KIF13B: variants seen among roughly 807,000 people sequenced by gnomAD.
KIF13B encodes the protein kinesin family member 13B, also known as kinesin-like protein KIF13B.
A neutral mutation model predicts 222.0 loss-of-function variants in KIF13B; 127 were observed. The observed-to-expected ratio is 0.57, with a 90% confidence interval of 0.50 to 0.66. The LOEUF (loss-of-function observed/expected upper bound fraction) is 0.66. KIF13B is among the 30% of genes least tolerant of loss of function. The probability of loss-of-function intolerance (pLI) is 0.00; values close to 1 mark genes in which losing one functional copy is unlikely to be tolerated. For missense variants in KIF13B, 2,173 were observed against 2,379.0 expected (o/e 0.91, Z 1.80); for synonymous variants, 976 against 919.0 (o/e 1.06, Z -1.12).
rs1265131840 is a variant in KIF13B, at chr8:29,155,759, C to T, written c.1502G>A (p.Gly501Asp). The T allele has an allele frequency of 6.2e-7, 1 of 1,604,550 alleles. No homozygotes were observed. Among genetic ancestry groups the T allele is most frequent in the Non-Finnish European group, 8.5e-7 (1 of 1,174,826 alleles). Residue 501 changes from glycine (G) to aspartate (D), a missense_variant, in exon 14 of 40, where the codon GGC becomes GAC. This residue lies in a region of KIF13B where 1,480 missense variants were observed against 1,722.8 expected (regional missense o/e 0.86). Coordinates refer to ENST00000524189, the MANE Select transcript of KIF13B (RefSeq NM_015254.4). ...EHCIIDITSEGQVMLTPQKNT... is the reference protein window; with the variant it reads ...EHCIIDITSEDQVMLTPQKNT... ...CTTCTGAGGAGTCAGCATAACCTGG[C>T]CTTCTGACGTGATGTCTATAATACA... is the stretch of plus-strand genomic sequence containing the variant.
At chr8:29,223,984 C>T (rs1002489494) in intron 2 of KIF13B, among the ~76,000 whole-genome samples, 2 of 151,146 alleles carry the variant, frequency 1.3e-5, no homozygotes. Flanking sequence ...AGCCACGGCG[C>T]CCAGCCTACC....
intron 2 of KIF13B, among the ~76,000 whole-genome samples, chr8:29,225,612 G>A (rs1814986600): frequency 6.6e-6 from 1 of 152,166 alleles, no homozygotes. Context: ...ACAAAATAGG[G>A]AATAAAAGTT....
chr8:29,190,768 G>C, intron 4 of KIF13B: 1 of 517,944 alleles, frequency 1.9e-6, no homozygotes, highest in Non-Finnish European at 3.5e-6. Flanking sequence ...AGAGAGCATC[G>C]GAACTGAGTT....
chr8:29,149,656 G>A (rs1474722080), intron 15 of KIF13B, among the ~76,000 whole-genome samples: 3 of 152,226 alleles, frequency 2.0e-5, no homozygotes, highest in Non-Finnish European at 2.9e-5. Flanking sequence ...GTCAGGGCTA[G>A]TGCAGCTATG....
At chr8:29,205,669 G>A (rs145793121) in intron 2 of KIF13B, among the ~76,000 whole-genome samples, 65 of 152,236 alleles carry the variant, frequency 4.3e-4, no homozygotes, top group African/African-American at 1.4e-3. Flanking sequence ...AATGTCCCTC[G>A]CAGCAGTAAT....
intron 2 of KIF13B, among the ~76,000 whole-genome samples, chr8:29,215,570 T>C (rs1814439529): frequency 6.6e-6 from 1 of 152,176 alleles, no homozygotes; most frequent in Non-Finnish European, 1.5e-5. Context: ...CATGCGTCTG[T>C]TGTCCCAGCT....
intron 2 of KIF13B, among the ~76,000 whole-genome samples, chr8:29,225,835 C>T (rs939916158): frequency 2.6e-5 from 4 of 152,180 alleles, no homozygotes; most frequent in Non-Finnish European, 4.4e-5. Flanking sequence ...ATGTTCAGTA[C>T]ATGGTGACTA....
In KIF13B at chr8:29,160,652, G is replaced by A. The variant is rs1317876721; in HGVS notation, c.1404+81C>T. ...TTTTTGCTGTTTTCTGAGTAAGCATGGTTCCCCAAGTTTACTAAAGTACTG... is the reference window on the plus strand; with the variant it reads ...TTTTTGCTGTTTTCTGAGTAAGCATAGTTCCCCAAGTTTACTAAAGTACTG... On this transcript the variant is annotated intron_variant, in intron 13 of 39. Transcript: ENST00000524189. 9.1e-6 allele frequency: 12 copies of A among 1,322,334 alleles called. No homozygotes were observed. In the South Asian group the frequency reaches 1.0e-4, roughly 11 times the overall value. The allele number at this position is 1,322,334 out of a possible 1,614,324, so 81.9% of individuals were successfully genotyped here. A position where few individuals can be genotyped will look rare whatever the true frequency, so the allele number is the denominator to read the frequency against.
chr8:29,115,726 G>C (rs993430354), intron 31 of KIF13B, among the ~76,000 whole-genome samples: 1 of 152,278 alleles, frequency 6.6e-6, no homozygotes, highest in Admixed American at 6.5e-5. Context: ...CCTTGGCACA[G>C]GCAGGACCCC....
chr8:29,099,064 T>C, intron 36 of KIF13B, 69 bp downstream of exon 36: 1 of 1,240,996 alleles, frequency 8.1e-7, no homozygotes, highest in South Asian at 1.2e-5. Context: ...TGGCAGGAAA[T>C]TCTAATTTAA....
At chr8:29,126,253 G>A (rs1017447713) in intron 26 of KIF13B, among the ~76,000 whole-genome samples, 2 of 152,070 alleles carry the variant, frequency 1.3e-5, no homozygotes, top group African/African-American at 2.4e-5. Flanking sequence ...TGGCTGGGGA[G>A]CTCCAGGTTT....
chr8:29,143,259 T>C (rs1200306208), intron 18 of KIF13B, among the ~76,000 whole-genome samples: 6 of 152,146 alleles, frequency 3.9e-5, no homozygotes, highest in Non-Finnish European at 7.4e-5. Context: ...GACCACAACG[T>C]TATCAATGGG....
At chr8:29,103,336 A>G (rs1345814841) in intron 35 of KIF13B, among the ~76,000 whole-genome samples, 2 of 152,126 alleles carry the variant, frequency 1.3e-5, no homozygotes, top group Non-Finnish European at 2.9e-5. Flanking sequence ...CTCAATGCAC[A>G]GCTGACTCCA....
intron 30 of KIF13B, among the ~76,000 whole-genome samples, chr8:29,117,570 G>T (rs1248535277): frequency 6.6e-6 from 1 of 151,966 alleles, no homozygotes; most frequent in African/African-American, 2.4e-5. Flanking sequence ...TCCTTGTCAC[G>T]CTTGACCCTG....
Position 29,142,264 on chromosome 8 carries a change from T to G in KIF13B, c.2227A>C (p.Arg743=). ...LLSEPAIQVR[R]KGKGKQIWSL... ...CAAATCTGCTTTCCTTTTCCTTTTC[T>G]TCTCACCTGGATTGCAGGCTCACTA... Residue 743 remains arginine, a synonymous_variant, in exon 19 of 40, where the codon AGA becomes CGA. Transcript: ENST00000524189. 1 of 1,613,770 alleles carries G rather than the reference T, an allele frequency of 6.2e-7. No homozygotes were observed. Among genetic ancestry groups the G allele is most frequent in the Non-Finnish European group, 8.5e-7 (1 of 1,179,770 alleles).
chr8:29,238,315 G>C (rs967289270), intron 2 of KIF13B, among the ~76,000 whole-genome samples: 3 of 152,190 alleles, frequency 2.0e-5, no homozygotes, highest in African/African-American at 7.2e-5. Context: ...TGCAAGAGAA[G>C]TGTATGGACA....
rs950131897 is a variant in KIF13B, at chr8:29,084,215, C to T, written c.4458+8530G>A. Among the ~76,000 whole-genome samples, 6 of 152,278 alleles carry T rather than the reference C, an allele frequency of 3.9e-5. No individual in the cohort carries two copies. In the South Asian group the frequency reaches 6.2e-4, roughly 16 times the overall value. Reference sequence around the variant, plus strand: ...ACAAGCGTGAGCCACCGCACCCGACCGTGTTTTCTTCTTTTAGTTAGGATG... The same window carrying T: ...ACAAGCGTGAGCCACCGCACCCGACTGTGTTTTCTTCTTTTAGTTAGGATG... On this transcript the variant is annotated intron_variant, in intron 37 of 39. Coordinates refer to ENST00000524189, the MANE Select transcript of KIF13B (RefSeq NM_015254.4).
chr8:29,097,665 T>C (rs1808595311), intron 36 of KIF13B, among the ~76,000 whole-genome samples: 1 of 152,022 alleles, frequency 6.6e-6, no homozygotes, highest in Non-Finnish European at 1.5e-5. Flanking sequence ...TAAAATACTC[T>C]GAATAGAATG....
chr8:29,149,676 T>G (rs540888758), intron 15 of KIF13B, among the ~76,000 whole-genome samples: 1 of 152,342 alleles, frequency 6.6e-6, no homozygotes, highest in South Asian at 2.1e-4. Context: ...GGTTCTCCTT[T>G]TTCTTCCTGT....
Sources: gnomAD v4.1 joint callset for allele counts (sites outside exome capture counted in the v4.1 genomes callset) on GRCh38, gnomAD v4.1.1 for gene constraint, gnomAD v4.1.1 regional missense constraint, MANE v1.5 for transcripts, NCBI Gene and HGNC (gene_info 2026-07-23, HGNC 2026-07-21) for gene names.